Variants in ABCC6 observed in about 807,000 individuals in gnomAD.
The protein encoded by ABCC6 is ATP-binding cassette sub-family C member 6.
In ABCC6, 126 loss-of-function variants were observed where a neutral mutation model predicts 169.5. The ratio of observed to expected loss-of-function variants is 0.74; its 90% CI spans 0.64 to 0.86. The LOEUF is 0.86. Ranked by LOEUF, ABCC6 falls within the 40% of genes least tolerant of loss-of-function variation. ABCC6 has a pLI of 0.00. For missense variants in ABCC6, 1,733 were observed against 1,927.2 expected, an observed-to-expected ratio of 0.90 and a Z score of 1.89; for synonymous variants, 752 against 814.7, an observed-to-expected ratio of 0.92 and a Z score of 1.31.
intron 12 of ABCC6, among the ~76,000 whole-genome samples, 167 bp from the exon 13 acceptor site, chr16:16,189,141 C>T (rs767469094): frequency 1.2e-4 from 18 of 152,220 alleles, no homozygotes; most frequent in South Asian, 8.3e-4. Flanking sequence ...ATGTCCTCTC[C>T]GCAGTCATAA....
Position 16,152,192 on chromosome 16 carries a change from CAAAAAAAAAA to C in ABCC6, c.4209-1430_4209-1421del, listed in dbSNP as rs61339757. 2.2e-4 allele frequency among the ~76,000 whole-genome samples: 9 copies of C among 40,316 alleles called. No homozygotes were observed. In the East Asian group the frequency reaches 4.4e-3, roughly 20 times the overall value. The allele number at this position is 40,316 out of a possible 152,430, so 26.4% of individuals were successfully genotyped here. ...TGGGCGACAGAGCAAGACTCTGTCT[CAAAAAAAAAA>C]AAAAAAAAAAAAAGTGTGTAGGCTT... On this transcript the variant is annotated intron_variant, in intron 29 of 30. Transcript: ENST00000205557.
Position 16,149,986 on chromosome 16 carries a change from A to T in ABCC6, c.*147T>A. On this transcript the variant is annotated 3_prime_UTR_variant, in exon 31 of 31. Transcript: ENST00000205557. ...CTCTGATGCTCTGTGATAATTGGCC[A>T]CTTTCTCTGCCATTTTCCTCCCAGA... The T allele has an allele frequency of 2.3e-6, 3 of 1,279,622 alleles. No individual in the cohort carries two copies. The East Asian group carries it at 7.6e-5, about 32-fold the overall frequency. The allele number at this position is 1,279,622 out of a possible 1,614,324, so 79.3% of individuals were successfully genotyped here. A position where few individuals can be genotyped will look rare whatever the true frequency, so the allele number is the denominator to read the frequency against.
At chr16:16,183,560 C>T (rs181136954) in intron 15 of ABCC6, among the ~76,000 whole-genome samples, 1 of 152,354 alleles carries the variant, frequency 6.6e-6, no homozygotes, top group Admixed American at 6.5e-5. Flanking sequence ...AATGACATCT[C>T]CCGCCTCCTT....
chr16:16,187,998 G>A (rs1182988157), intron 13 of ABCC6, among the ~76,000 whole-genome samples: 1 of 152,016 alleles, frequency 6.6e-6, no homozygotes, highest in Non-Finnish European at 1.5e-5. Flanking sequence ...TTGGGAGGCT[G>A]AGGCGGGCTT....
intron 7 of ABCC6, among the ~76,000 whole-genome samples, chr16:16,205,132 G>A (rs1016666940): frequency 3.3e-5 from 5 of 152,040 alleles, no homozygotes; most frequent in African/African-American, 4.8e-5. Context: ...CACCATGCCC[G>A]GCCACTTATC....
chr16:16,168,339 T>C (rs1290366340), intron 22 of ABCC6, among the ~76,000 whole-genome samples: 1 of 7,826 alleles, frequency 1.3e-4, no homozygotes, highest in Non-Finnish European at 8.3e-4. Context: ...AAACAAAAAT[T>C]AGCCAGCATG....
At chr16:16,184,827 C>G (rs2047595419) in intron 15 of ABCC6, 132 bp downstream of exon 15, 1 of 989,196 alleles carries the variant, frequency 1.0e-6, no homozygotes, top group Non-Finnish European at 1.6e-6. Flanking sequence ...CGGCAGAGCC[C>G]CAGCCCAGCC....
At chr16:16,163,900 A>G (rs917696918) in intron 23 of ABCC6, among the ~76,000 whole-genome samples, 13 of 152,336 alleles carry the variant, frequency 8.5e-5, no homozygotes, top group Admixed American at 2.6e-4. Context: ...TGAGTGCCAC[A>G]GTAAGTGATA....
At chr16:16,191,801 TCTC>T (rs1348422986) in intron 11 of ABCC6, among the ~76,000 whole-genome samples, 1 of 149,962 alleles carries the variant, frequency 6.7e-6, no homozygotes, top group African/African-American at 2.5e-5. Flanking sequence ...CCCTCCTTCC[TCTC>T]CTCCTTTCCT....
chr16:16,197,898 C>CG, intron 10 of ABCC6, 123 bp downstream of exon 10: 1 of 1,178,950 alleles, frequency 8.5e-7, no homozygotes, highest in East Asian at 2.6e-5. Context: ...GGGGTCACAG[C>CG]GGACCTCTTC....
At chr16:16,163,952 G>C (rs2046805067) in intron 23 of ABCC6, among the ~76,000 whole-genome samples, 1 of 152,138 alleles carries the variant, frequency 6.6e-6, no homozygotes, top group South Asian at 2.1e-4. Context: ...TCTAAAGCTT[G>C]AGACAGAAAC....
At chr16:16,193,894 AG>A in intron 10 of ABCC6, among the ~76,000 whole-genome samples, 1 of 152,350 alleles carries the variant, frequency 6.6e-6, no homozygotes, top group African/African-American at 2.4e-5. Flanking sequence ...GAATCTGATA[AG>A]GGCAGCCACC....
At position 16,150,208 on chromosome 16, in the gene ABCC6, C is replaced by T. The variant is rs763316917; in HGVS notation, c.4437G>A (p.Glu1479=). The T allele has an allele frequency of 1.9e-6, 3 of 1,613,920 alleles. No individual in the cohort carries two copies. Among genetic ancestry groups the T allele is most frequent in the Admixed American group, 3.3e-5 (2 of 60,004 alleles). Residue 1479 remains glutamate, a synonymous_variant, in exon 31 of 31, where the codon GAG becomes GAA. Transcript: ENST00000205557. ...VLVMDKGQVA[E]SGSPAQLLAQ... is the part of the protein sequence containing the mutation. ...CCAGCAGCTGGGCCGGGCTGCCGCT[C>T]TCTGCCACCTGCCCCTTGTCCATGA... is the stretch of plus-strand genomic sequence containing the variant.
chr16:16,154,926 T>TG lies in ABCC6; in HGVS notation c.3987dup (p.Ile1330HisfsTer68), dbSNP rs1567465730. 6.2e-7 allele frequency: 1 copy of TG among 1,606,756 alleles called. No homozygotes were observed. The highest frequency in any genetic ancestry group is 1.7e-5 in the Admixed American group (1 of 59,052). On this transcript the variant is annotated frameshift_variant, in exon 28 of 31. Coordinates refer to ENST00000205557, the MANE Select transcript of ABCC6 (RefSeq NM_001171.6). LOFTEE classifies it high-confidence loss of function. The stretch of plus-strand genomic sequence containing the variant: ...AGTGTGTGCAGCCCCACGTGGGCAA[T>TG]GGGGACCCCGTCGATCCAGATCCCA...
chr16:16,211,725 A>C (rs2048629160), intron 6 of ABCC6, among the ~76,000 whole-genome samples: 1 of 152,148 alleles, frequency 6.6e-6, no homozygotes, highest in Non-Finnish European at 1.5e-5. Flanking sequence ...ATCTGCCTGG[A>C]ACCCTCTAGA....
At chr16:16,198,721 C>A (rs11639499) in intron 9 of ABCC6, among the ~76,000 whole-genome samples, 49,275 of 144,638 alleles carry the variant, frequency 0.34, 9,221 homozygotes, top group Admixed American at 0.42. Context: ...GGGCCGGGTG[C>A]GGTGCCTCAC....
intron 27 of ABCC6, chr16:16,155,359 T>C: frequency 4.7e-6 from 2 of 427,508 alleles, no homozygotes; most frequent in Non-Finnish European, 8.4e-6. Context: ...CCCCATCCCA[T>C]CCATCTGTCT....
At chr16:16,185,571 G>A (rs1452271337) in intron 14 of ABCC6, among the ~76,000 whole-genome samples, 4 of 152,134 alleles carry the variant, frequency 2.6e-5, no homozygotes, top group African/African-American at 9.7e-5. Context: ...ATCACTTGAG[G>A]TCAGGAGTTT....
In ABCC6 at chr16:16,177,460, C is replaced by T; in HGVS notation, c.2582G>A (p.Gly861Glu). 6.2e-7 allele frequency: 1 copy of T among 1,614,118 alleles called. No individual in the cohort carries two copies. Among genetic ancestry groups the T allele is most frequent in the Non-Finnish European group, 8.5e-7 (1 of 1,180,030 alleles). Residue 861 changes from glycine to glutamate, a missense_variant, in exon 19 of 31, where the codon GGA becomes GAA. Physicochemically the swap from Gly to Glu is moderately conservative, Grantham distance 98 (BLOSUM62 -2). This residue lies in a region of ABCC6 where 1,601 missense variants were observed against 1,635.5 expected (regional missense o/e 0.98). Coordinates refer to ENST00000205557, the MANE Select transcript of ABCC6 (RefSeq NM_001171.6). ...LDQARQPGDR[G>E]EGETEPGTST... Reference sequence around the variant, plus strand: ...CAAAGCCCACCTAGTACCTCCTTCTCCTCTATCTCCTGGCTGTCTGGCTTG... The same window carrying T: ...CAAAGCCCACCTAGTACCTCCTTCTTCTCTATCTCCTGGCTGTCTGGCTTG...
Sources: allele counts gnomAD v4.1 joint callset (sites outside exome capture counted in the v4.1 genomes callset), GRCh38; gene constraint gnomAD v4.1.1; regional missense constraint gnomAD v4.1.1; transcripts MANE v1.5; gene names NCBI Gene and HGNC (gene_info 2026-07-23, HGNC 2026-07-21).